NRP1: variants seen among roughly 807,000 people sequenced by gnomAD.
NRP1 encodes neuropilin 1, also known as neuropilin-1.
In NRP1, 35 loss-of-function variants were observed where a neutral mutation model predicts 106.7. The observed-to-expected ratio is 0.33, with a 90% CI of 0.25 to 0.43. NRP1 has a LOEUF of 0.43. NRP1 is among the 20% of genes least tolerant of loss of function. The pLI, the probability that NRP1 is intolerant of heterozygous loss-of-function variation, is 1.00. For missense variants in NRP1, 1,024 were observed against 1,170.4 expected, an observed-to-expected ratio of 0.87 and a Z score of 1.83; for synonymous variants, 437 against 417.9, an observed-to-expected ratio of 1.05 and a Z score of -0.56.
chr10:33,216,830 A>T (rs900881622), intron 8 of NRP1, among the ~76,000 whole-genome samples: 1 of 152,042 alleles, frequency 6.6e-6, no homozygotes, highest in African/African-American at 2.4e-5. Context: ...GAACTAAGTC[A>T]TATTTTTCTG....
intron 12 of NRP1, among the ~76,000 whole-genome samples, chr10:33,197,411 T>C (rs1836863403): frequency 6.6e-6 from 1 of 152,228 alleles, no homozygotes; most frequent in African/African-American, 2.4e-5. Context: ...ACTCCGTTCC[T>C]TCAGTGGAGA....
intron 2 of NRP1, among the ~76,000 whole-genome samples, chr10:33,308,549 C>T (rs539906533): frequency 2.5e-4 from 38 of 151,978 alleles, no homozygotes; most frequent in Admixed American, 3.9e-4. Flanking sequence ...TTTAGTGGCG[C>T]GATCTCGGCT....
intron 6 of NRP1, among the ~76,000 whole-genome samples, chr10:33,245,710 C>T (rs749241688): frequency 2.0e-5 from 3 of 152,166 alleles, no homozygotes; most frequent in East Asian, 1.9e-4. Flanking sequence ...AATCACTTAA[C>T]CTCTGAATTT....
intron 6 of NRP1, among the ~76,000 whole-genome samples, chr10:33,250,128 A>C (rs1841742257): frequency 6.6e-6 from 1 of 152,240 alleles, no homozygotes; most frequent in African/African-American, 2.4e-5. Context: ...TTATGTGCAT[A>C]TAAATAGAAA....
intron 12 of NRP1, chr10:33,195,350 G>A: frequency 2.8e-6 from 1 of 360,890 alleles, no homozygotes; most frequent in South Asian, 2.2e-5. Context: ...GATTAAAAAT[G>A]TAAGGATCCC....
At chr10:33,263,102 A>G (rs1041565120) in intron 4 of NRP1, among the ~76,000 whole-genome samples, 1 of 152,270 alleles carries the variant, frequency 6.6e-6, no homozygotes, top group Non-Finnish European at 1.5e-5. Context: ...TAGAGAATGT[A>G]CAGGGAACCT....
chr10:33,263,680 G>A lies in NRP1; in HGVS notation c.624C>T (p.Tyr208=), dbSNP rs1390629761. Residue 208 remains tyrosine (Y), a synonymous_variant, in exon 4 of 17, where the codon TAC becomes TAT. Transcript: ENST00000374867. ...ATCCATCCCAGATTTCTAGCCGGTC[G>A]TAGCGACAGAACATCCCCCCTGGAG... is the stretch of plus-strand genomic sequence containing the variant. ...SNPPGGMFCR[Y]DRLEIWDGFP... The A allele has an allele frequency of 2.3e-5, 37 of 1,613,826 alleles. No individual in the cohort carries two copies. The highest frequency in any genetic ancestry group is 2.9e-5 in the Non-Finnish European group (34 of 1,179,934).
chr10:33,237,594 T>A (rs1303916117), intron 6 of NRP1, among the ~76,000 whole-genome samples: 5 of 143,080 alleles, frequency 3.5e-5, no homozygotes, highest in African/African-American at 1.1e-4. Flanking sequence ...TTTTTTTTTT[T>A]TTTGAGATGG....
chr10:33,234,930 C>T (rs902107321), intron 6 of NRP1, among the ~76,000 whole-genome samples: 1 of 152,164 alleles, frequency 6.6e-6, no homozygotes, highest in Non-Finnish European at 1.5e-5. Context: ...GCTGGCTTCC[C>T]TGACTGCCAC....
intron 4 of NRP1, among the ~76,000 whole-genome samples, chr10:33,258,983 G>T (rs1346051953): frequency 6.6e-6 from 1 of 152,064 alleles, no homozygotes; most frequent in Non-Finnish European, 1.5e-5. Flanking sequence ...GTGGGCAAAT[G>T]TTTACAGCCC....
At chr10:33,222,865 T>C (rs1361544865) in intron 7 of NRP1, among the ~76,000 whole-genome samples, 1 of 152,220 alleles carries the variant, frequency 6.6e-6, no homozygotes, top group Non-Finnish European at 1.5e-5. Context: ...GCAAATGTAA[T>C]GCATGCCAGG....
Position 33,186,492 on chromosome 10 carries a change from C to T in NRP1, c.2063-4G>A, listed in dbSNP as rs751059708. On this transcript the variant is annotated splice_polypyrimidine_tract_variant and splice_region_variant and intron_variant, in intron 13 of 16. Transcript: ENST00000374867. ...GAATAGATGAAGTTGCCATCTCCTG[C>T]TGTGACAAAGAACTGTGTTAGGGAG... 1 of 1,606,668 alleles carries T rather than the reference C, an allele frequency of 6.2e-7. No homozygotes were observed. Among genetic ancestry groups the T allele is most frequent in the Non-Finnish European group, 8.5e-7 (1 of 1,175,420 alleles).
intron 2 of NRP1, among the ~76,000 whole-genome samples, chr10:33,329,320 G>A (rs1032392083): frequency 2.0e-5 from 3 of 152,106 alleles, no homozygotes; most frequent in African/African-American, 7.2e-5. Context: ...CTGATTATTT[G>A]GAAACTGGTC....
chr10:33,239,558 T>C (rs2269094), intron 6 of NRP1, among the ~76,000 whole-genome samples: 18,767 of 152,206 alleles, frequency 0.12, 1,500 homozygotes, highest in Admixed American at 0.23. Flanking sequence ...TTACAATAAA[T>C]CATAAACTTT....
At chr10:33,309,030 C>T (rs1021484725) in intron 2 of NRP1, among the ~76,000 whole-genome samples, 1 of 151,940 alleles carries the variant, frequency 6.6e-6, no homozygotes, top group African/African-American at 2.4e-5. Context: ...AACCTATTTC[C>T]AAAACAGTCC....
chr10:33,295,416 T>A (rs1190208216), intron 2 of NRP1, among the ~76,000 whole-genome samples: 2 of 152,162 alleles, frequency 1.3e-5, no homozygotes, highest in African/African-American at 2.4e-5. Flanking sequence ...ATTAGAAGAT[T>A]TTCTTCCCAG....
rs1835573222 is a variant in NRP1 at position 33,179,924 on chromosome 10, G to C, written c.*152C>G. 1.3e-6 allele frequency: 1 copy of C among 741,994 alleles called. No homozygotes were observed. Among genetic ancestry groups the C allele is most frequent in the African/African-American group, 1.8e-5 (1 of 57,110 alleles). 46.0% of individuals were successfully genotyped at this position (741,994 alleles called of 1,614,324 possible). A position where few individuals can be genotyped will look rare whatever the true frequency, so the allele number is the denominator to read the frequency against. ...TGAACACAGCTCCTTGTCCATGTCT[G>C]TCGGCCATACTCATTGAAGCTCCTG... On this transcript the variant is annotated 3_prime_UTR_variant, in exon 17 of 17. Coordinates refer to ENST00000374867, the MANE Select transcript of NRP1 (RefSeq NM_003873.7).
intron 2 of NRP1, among the ~76,000 whole-genome samples, chr10:33,325,671 T>C (rs1401071221): frequency 2.0e-5 from 3 of 152,182 alleles, no homozygotes; most frequent in Non-Finnish European, 2.9e-5. Context: ...AAAACTAGCA[T>C]TAAAGGAACA....
At chr10:33,258,957 G>T (rs1364932585) in intron 4 of NRP1, among the ~76,000 whole-genome samples, 1 of 152,054 alleles carries the variant, frequency 6.6e-6, no homozygotes, top group African/African-American at 2.4e-5. Flanking sequence ...GCTTCATGAT[G>T]TTTTTTCTTT....
Sources: allele counts gnomAD v4.1 joint callset (sites outside exome capture counted in the v4.1 genomes callset), GRCh38; gene constraint gnomAD v4.1.1; transcripts MANE v1.5; gene names NCBI Gene and HGNC (gene_info 2026-07-23, HGNC 2026-07-21).